IFNAR2: variants seen among roughly 807,000 people sequenced by gnomAD.
The protein encoded by IFNAR2 is interferon alpha and beta receptor subunit 2.
A neutral mutation model predicts 49.4 loss-of-function variants in IFNAR2; 30 were observed. That is an observed-to-expected ratio of 0.61 (90% CI 0.45 to 0.82). The LOEUF (loss-of-function observed/expected upper bound fraction) is 0.82, where lower values mean the gene tolerates loss of function less well. IFNAR2 is among the 40% of genes least tolerant of loss of function. The probability of loss-of-function intolerance (pLI) is 0.00; values close to 1 mark genes in which losing one functional copy is unlikely to be tolerated. For synonymous variants in IFNAR2, 224 were observed against 234.5 expected, an observed-to-expected ratio of 0.96 and a Z score of 0.41; for missense variants, 600 against 622.7, an observed-to-expected ratio of 0.96 and a Z score of 0.39.
intron 7 of IFNAR2, among the ~76,000 whole-genome samples, chr21:33,253,942 A>C (rs1333297851): frequency 6.6e-6 from 1 of 152,168 alleles, no homozygotes; most frequent in Admixed American, 6.5e-5. Context: ...CCTGTAAGTT[A>C]CAATGCCTAG....
intron 6 of IFNAR2, among the ~76,000 whole-genome samples, chr21:33,251,189 A>G (rs978997537): frequency 1.3e-5 from 2 of 152,190 alleles, no homozygotes; most frequent in African/African-American, 2.4e-5. Flanking sequence ...AGATCTGGCA[A>G]ATGAGGAAGA....
In IFNAR2 at chr21:33,263,594, C is replaced by A; in HGVS notation, c.*94C>A. ...TGCTGCCTTATCGTCTGCAAGTGTT[C>A]TCCAAGGGAAGGAGGAGGAAACTGT... is the stretch of plus-strand genomic sequence containing the variant. On this transcript the variant is annotated 3_prime_UTR_variant, in exon 9 of 9. Transcript: ENST00000342136. The A allele has an allele frequency of 8.2e-7, 1 of 1,224,534 alleles. No individual in the cohort carries two copies. The highest frequency in any genetic ancestry group is 1.1e-6 in the Non-Finnish European group (1 of 895,462). The allele number at this position is 1,224,534 out of a possible 1,614,324, so 75.9% of individuals were successfully genotyped here.
rs1471412506 is a variant in IFNAR2 at position 33,264,533 on chromosome 21, A to G, written c.*1033A>G. 6.6e-6 allele frequency: 1 copy of G among 151,924 alleles called. No individual in the cohort carries two copies. Among genetic ancestry groups the G allele is most frequent in the African/African-American group, 2.4e-5 (1 of 41,358 alleles). 9.4% of individuals were successfully genotyped at this position (151,924 alleles called of 1,614,324 possible). A position where few individuals can be genotyped will look rare whatever the true frequency, so the allele number is the denominator to read the frequency against. The stretch of plus-strand genomic sequence containing the variant: ...TAAGTTAAAAAAAAAAAAAGCAAAC[A>G]CAAAGATGCTTCAAGATCTTCAGGA... On this transcript the variant is annotated 3_prime_UTR_variant, in exon 9 of 9. Coordinates refer to ENST00000342136, the MANE Select transcript of IFNAR2 (RefSeq NM_001289125.3).
chr21:33,263,274 A>G lies in IFNAR2; in HGVS notation c.1322A>G (p.Asp441Gly). ...AGAGTTCTTGATGACGAGGACAGTG[A>G]CGACTTAGAAGCCCCTCTGATGCTA... ...FLRVLDDEDS[D>G]DLEAPLMLSS... Residue 441 changes from aspartate (D) to glycine (G), a missense_variant, in exon 9 of 9, where the codon GAC (aspartate) becomes GGC (glycine). Transcript: ENST00000342136. The G allele has an allele frequency of 6.2e-7, 1 of 1,614,204 alleles. No individual in the cohort carries two copies. The highest frequency in any genetic ancestry group is 1.7e-5 in the Admixed American group (1 of 60,030).
rs17860219 is a variant in IFNAR2 at position 33,251,545 on chromosome 21, GT to G, written c.541-1114del. 1.4e-3 allele frequency: 1,421 copies of G among 985,356 alleles called. 19 individuals are homozygous for G. In the African/African-American group the frequency reaches 0.023, roughly 16 times the overall value. 61.0% of individuals were successfully genotyped at this position (985,356 alleles called of 1,614,324 possible). ...CTGGCCACTGGAGGGGAAGCTTTTA[GT>G]TTGTTGGGTCGTAAGTTTGTTTGTT... On this transcript the variant is annotated intron_variant, in intron 6 of 8. Coordinates refer to ENST00000342136, the MANE Select transcript of IFNAR2 (RefSeq NM_001289125.3).
chr21:33,230,686 C>T lies in IFNAR2; in HGVS notation c.-84+470C>T. ...CCCTTGAGGTCCCCTGGGATTAGCCCCCCTCGACCTGCGTCAGGGTCACAG... is the reference window on the plus strand; with the variant it reads ...CCCTTGAGGTCCCCTGGGATTAGCCTCCCTCGACCTGCGTCAGGGTCACAG... On this transcript the variant is annotated intron_variant, in intron 1 of 8. Coordinates refer to ENST00000342136, the MANE Select transcript of IFNAR2 (RefSeq NM_001289125.3). The surrounding 1 kb of genome is among the most constrained non-coding windows in gnomAD (Gnocchi z 5.5). 2.3e-6 allele frequency: 1 copy of T among 439,520 alleles called. No homozygotes were observed. Among genetic ancestry groups the T allele is most frequent in the Non-Finnish European group, 4.7e-6 (1 of 211,964 alleles). The allele number at this position is 439,520 out of a possible 1,614,324, so 27.2% of individuals were successfully genotyped here. A position where few individuals can be genotyped will look rare whatever the true frequency, so the allele number is the denominator to read the frequency against.
At chr21:33,252,910 T>G (rs1324355826) in intron 7 of IFNAR2, 80 bp downstream of exon 7, 1 of 1,153,426 alleles carries the variant, frequency 8.7e-7, no homozygotes, top group Non-Finnish European at 1.3e-6. Context: ...GAAAAGAATC[T>G]GAAAAGAATT....
chr21:33,230,352 G>A lies in IFNAR2; in HGVS notation c.-84+136G>A, dbSNP rs914137175. 72 of 717,570 alleles carry A rather than the reference G, an allele frequency of 1.0e-4. No individual in the cohort carries two copies. Among genetic ancestry groups the A allele is most frequent in the Non-Finnish European group, 1.4e-4 (71 of 521,250 alleles). The allele number at this position is 717,570 out of a possible 1,614,324, so 44.5% of individuals were successfully genotyped here. Reference sequence around the variant, plus strand: ...CTCCCCGACTCCTCCTCCTCCTCCTGCCCTCCCTCTGCGTCTTGAGTATGC... The same window carrying A: ...CTCCCCGACTCCTCCTCCTCCTCCTACCCTCCCTCTGCGTCTTGAGTATGC... On this transcript the variant is annotated intron_variant, in intron 1 of 8. Transcript: ENST00000342136. The surrounding 1 kb of genome is among the most constrained non-coding windows in gnomAD (Gnocchi z 5.5).
Position 33,230,642 on chromosome 21 carries a change from T to G in IFNAR2, c.-84+426T>G. 1 of 468,140 alleles carries G rather than the reference T, an allele frequency of 2.1e-6. No individual in the cohort carries two copies. Among genetic ancestry groups the G allele is most frequent in the Non-Finnish European group, 4.4e-6 (1 of 225,426 alleles). 29.0% of individuals were successfully genotyped at this position (468,140 alleles called of 1,614,324 possible). A position where few individuals can be genotyped will look rare whatever the true frequency, so the allele number is the denominator to read the frequency against. ...CGGCTCACCAGCTGGGTGCTCAGGT[T>G]CGGGATCTCCAGCCCGCCCCCTTGA... On this transcript the variant is annotated intron_variant, in intron 1 of 8. Transcript: ENST00000342136. This position sits in a 1 kb window ranked among gnomAD's most constrained non-coding sequence, Gnocchi z 5.5.
intron 1 of IFNAR2, among the ~76,000 whole-genome samples, chr21:33,237,078 GGTGTGTGTGTGTGT>G (rs34322078): frequency 6.8e-6 from 1 of 147,590 alleles, no homozygotes; most frequent in African/African-American, 2.5e-5. Context: ...GGGAGAATGG[GGTGTGTGTGTGTGT>G]GTGTGTGTGT....
At chr21:33,262,512 C>A in intron 8 of IFNAR2, 2 of 684,392 alleles carry the variant, frequency 2.9e-6, no homozygotes, top group Non-Finnish European at 5.3e-6. Context: ...TCATCATCAT[C>A]AACTGCATCA....
At chr21:33,262,600 C>G (rs1241787888) in intron 8 of IFNAR2, 193 bp from the exon 9 acceptor site, 2 of 780,660 alleles carry the variant, frequency 2.6e-6, no homozygotes, top group Non-Finnish European at 4.5e-6. Context: ...AGTGGCTATT[C>G]ACAGGTGCAG....
intron 1 of IFNAR2, among the ~76,000 whole-genome samples, chr21:33,237,078 G>GGTGGGTGGGTGTGT (rs57276350): frequency 9.5e-5 from 14 of 147,590 alleles, no homozygotes; most frequent in East Asian, 2.0e-4. Context: ...GGGAGAATGG[G>GGTGGGTGGGTGTGT]GTGTGTGTGT....
intron 6 of IFNAR2, among the ~76,000 whole-genome samples, chr21:33,250,968 G>C (rs549732296): frequency 6.6e-6 from 1 of 152,200 alleles, no homozygotes; most frequent in Non-Finnish European, 1.5e-5. Flanking sequence ...CCAGGTGTCC[G>C]TAAGGAATCT....
chr21:33,254,593 A>G (rs1034758559), intron 7 of IFNAR2, among the ~76,000 whole-genome samples: 3 of 152,206 alleles, frequency 2.0e-5, no homozygotes, highest in Non-Finnish European at 4.4e-5. Context: ...GCCTGCTACC[A>G]GAGGCTTCAT....
intron 2 of IFNAR2, among the ~76,000 whole-genome samples, chr21:33,242,746 A>T (rs1483257930): frequency 1.2e-5 from 1 of 86,598 alleles, no homozygotes; most frequent in Non-Finnish European, 2.3e-5. Context: ...AAAAAAAAAA[A>T]AATCTCGTGT....
chr21:33,259,363 T>TA (rs1192638196), intron 7 of IFNAR2, among the ~76,000 whole-genome samples: 1 of 152,164 alleles, frequency 6.6e-6, no homozygotes, highest in Non-Finnish European at 1.5e-5. Flanking sequence ...CATGCATGTA[T>TA]AATTGTCATG....
Position 33,260,731 on chromosome 21 carries a change from G to C in IFNAR2, c.840+4G>C. 6.8e-7 allele frequency: 1 copy of C among 1,476,316 alleles called. No homozygotes were observed. Among genetic ancestry groups the C allele is most frequent in the Non-Finnish European group, 9.0e-7 (1 of 1,115,120 alleles). The allele number at this position is 1,476,316 out of a possible 1,614,324, so 91.5% of individuals were successfully genotyped here. A position where few individuals can be genotyped will look rare whatever the true frequency, so the allele number is the denominator to read the frequency against. On this transcript the variant is annotated splice_donor_region_variant and intron_variant, in intron 8 of 8. Coordinates refer to ENST00000342136, the MANE Select transcript of IFNAR2 (RefSeq NM_001289125.3). ...AAATAGCCTCCCCAAAGTCTTGGTA[G>C]GTAGTTTTTTTGTTTTGTTTTGTTT...
Position 33,263,020 on chromosome 21 carries a change from A to C in IFNAR2, c.1068A>C (p.Glu356Asp). The C allele has an allele frequency of 6.2e-7, 1 of 1,614,134 alleles. No homozygotes were observed. The highest frequency in any genetic ancestry group is 8.5e-7 in the Non-Finnish European group (1 of 1,180,030). Reference sequence around the variant, plus strand: ...GTCAGGCCTCTGCCACCTCTACAGAATCCCAGTTGATAGACCCGGAGTCCG... The same window carrying C: ...GTCAGGCCTCTGCCACCTCTACAGACTCCCAGTTGATAGACCCGGAGTCCG... ...PLGQASATSTESQLIDPESEE... is the reference protein window; with the variant it reads ...PLGQASATSTDSQLIDPESEE... The change falls in exon 9 of 9, where the codon GAA (glutamate) becomes GAC (aspartate). Residue 356 changes from glutamate (E) to aspartate (D), a missense_variant. Physicochemically the swap from Glu to Asp is conservative, Grantham distance 45 (BLOSUM62 2). Transcript: ENST00000342136.
Sources: gnomAD v4.1 joint callset for allele counts (sites outside exome capture counted in the v4.1 genomes callset) on GRCh38, gnomAD v4.1.1 for gene constraint, Gnocchi (gnomAD v3.1) non-coding constraint, MANE v1.5 for transcripts, NCBI Gene and HGNC (gene_info 2026-07-23, HGNC 2026-07-21) for gene names.